Variants in BOC observed in about 807,000 individuals in gnomAD.
BOC encodes brother of CDO.
A neutral mutation model predicts 112.0 loss-of-function variants in BOC; 76 were observed. That is an observed-to-expected ratio of 0.68 (90% confidence interval 0.56 to 0.82). The LOEUF (loss-of-function observed/expected upper bound fraction) is 0.82, where lower values mean the gene tolerates loss of function less well. Among genes scored for constraint, BOC ranks in the 40% least tolerant of loss-of-function variants. BOC has a pLI of 0.00. For missense variants in BOC, 1,309 were observed against 1,511.7 expected, an observed-to-expected ratio of 0.87 and a Z score of 2.22; for synonymous variants, 580 against 599.8, an observed-to-expected ratio of 0.97 and a Z score of 0.48.
rs1559896461 is a variant in BOC, at chr3:113,286,676, GC to G, written c.3167del (p.Pro1056HisfsTer20). 3.8e-6 allele frequency: 6 copies of G among 1,572,636 alleles called. No homozygotes were observed. Among genetic ancestry groups the G allele is most frequent in the Non-Finnish European group, 5.2e-6 (6 of 1,161,114 alleles). ...GGTTCCTACTCTTTCTCCCCTCAGG[GC>G]CCCCATGCTGCTTGGGCCTTGTGCC... ...AVWDPPFHSG[P>X]PCCLGLVPVE... is the part of the protein sequence containing the mutation. On this transcript the variant is annotated frameshift_variant and splice_region_variant, in exon 20 of 20. Coordinates refer to ENST00000682979, the MANE Select transcript of BOC (RefSeq NM_001378074.1). LOFTEE classifies it high-confidence loss of function.
chr3:113,220,270 G>A (rs1559799526), intron 2 of BOC, among the ~76,000 whole-genome samples: 2 of 152,176 alleles, frequency 1.3e-5, no homozygotes, highest in African/African-American at 2.4e-5. Flanking sequence ...TGGCAATTTG[G>A]CTGCAAAGGA....
At chr3:113,280,123 T>G in intron 13 of BOC, 118 bp downstream of exon 13, 2 of 1,122,686 alleles carry the variant, frequency 1.8e-6, no homozygotes, top group Non-Finnish European at 2.5e-6. Context: ...TCAGTGGAAT[T>G]TGGGAGGCTC....
chr3:113,220,779 A>C (rs572080995), intron 2 of BOC, among the ~76,000 whole-genome samples: 2 of 152,208 alleles, frequency 1.3e-5, no homozygotes, highest in African/African-American at 4.8e-5. Context: ...GGATCGGGCA[A>C]TGTAGGGTCT....
intron 2 of BOC, among the ~76,000 whole-genome samples, chr3:113,249,210 C>T (rs1945310492): frequency 1.3e-5 from 2 of 152,194 alleles, no homozygotes; most frequent in Admixed American, 6.5e-5. Context: ...GATTCATTCA[C>T]TTAGTAGCAT....
chr3:113,283,196 T>TAAG (rs1949350046), intron 15 of BOC, among the ~76,000 whole-genome samples: 1 of 152,326 alleles, frequency 6.6e-6, no homozygotes, highest in Admixed American at 6.5e-5. Flanking sequence ...CTTTGAAATA[T>TAAG]AAGGCTCAGG....
chr3:113,257,858 A>G (rs1946400842), intron 4 of BOC, among the ~76,000 whole-genome samples: 1 of 152,336 alleles, frequency 6.6e-6, no homozygotes, highest in Admixed American at 6.5e-5. Context: ...CTCATTCTCC[A>G]GTGCTGACTC....
At position 113,272,568 on chromosome 3, in the gene BOC, A is replaced by C; in HGVS notation, c.826A>C (p.Lys276Gln). The change falls in exon 7 of 20, where the codon AAG (lysine) becomes CAG (glutamine). Residue 276 changes from lysine (K) to glutamine (Q), a missense_variant. By Grantham distance (53) the Lys-to-Gln change is moderately conservative. Transcript: ENST00000682979. ...TGGGTCCAGTGTCACCGGCTACAAC[A>C]AGACGCGCTTCCTGCTGAGCAACCT... ...KDGSSVTGYNKTRFLLSNLLI... is the reference protein window; with the variant it reads ...KDGSSVTGYNQTRFLLSNLLI... 6.2e-7 allele frequency: 1 copy of C among 1,614,022 alleles called. No individual in the cohort carries two copies. The highest frequency in any genetic ancestry group is 1.3e-5 in the African/African-American group (1 of 74,992).
intron 2 of BOC, among the ~76,000 whole-genome samples, chr3:113,230,739 A>C (rs1005562747): frequency 1.3e-5 from 2 of 152,330 alleles, no homozygotes. Context: ...AGTGTAGTAC[A>C]TTCAATAAAT....
chr3:113,233,435 C>T (rs72942472), intron 2 of BOC, among the ~76,000 whole-genome samples: 2,107 of 152,136 alleles, frequency 0.014, 45 homozygotes, highest in African/African-American at 0.047. Flanking sequence ...AATTATGTTG[C>T]CTAACTAACA....
At chr3:113,276,112 C>T (rs1216032838) in intron 9 of BOC, among the ~76,000 whole-genome samples, 4 of 152,182 alleles carry the variant, frequency 2.6e-5, no homozygotes, top group Non-Finnish European at 5.9e-5. Flanking sequence ...AACTGGACAC[C>T]TCCATCTCAG....
At chr3:113,227,587 G>A (rs1170559572) in intron 2 of BOC, among the ~76,000 whole-genome samples, 2 of 152,152 alleles carry the variant, frequency 1.3e-5, no homozygotes, top group African/African-American at 2.4e-5. Context: ...ACCAAAACCT[G>A]GGCAGTCACT....
At chr3:113,272,743 C>T (rs781083761) in intron 7 of BOC, 40 bp downstream of exon 7, 12 of 1,602,886 alleles carry the variant, frequency 7.5e-6, no homozygotes, top group East Asian at 2.2e-5. Flanking sequence ...TTGGCCTTCT[C>T]TCTGGTCTGT....
At position 113,270,802 on chromosome 3, in the gene BOC, T is replaced by C. The variant is rs201349306; in HGVS notation, c.525T>C (p.Gly175=). ...CCCCTGGCCCTGCCCTTTCCACAGG[T>C]AACTACCTGATCATGCCCTCAGGGA... ...VKQEWLEASR[G]NYLIMPSGNL... is the part of the protein sequence containing the mutation. The change falls in exon 6 of 20, where the codon GGT becomes GGC. Residue 175 remains glycine (G), a splice_region_variant and synonymous_variant. Coordinates refer to ENST00000682979, the MANE Select transcript of BOC (RefSeq NM_001378074.1). 8.7e-6 allele frequency: 14 copies of C among 1,609,920 alleles called. No individual in the cohort carries two copies. Among genetic ancestry groups the C allele is most frequent in the Non-Finnish European group, 1.2e-5 (14 of 1,177,880 alleles).
At chr3:113,266,953 A>G (rs1342175689) in intron 4 of BOC, among the ~76,000 whole-genome samples, 1 of 152,176 alleles carries the variant, frequency 6.6e-6, no homozygotes, top group African/African-American at 2.4e-5. Flanking sequence ...TTTGGTCATT[A>G]TCTCTTGTCT....
intron 2 of BOC, among the ~76,000 whole-genome samples, chr3:113,217,425 G>T (rs1939632919): frequency 6.6e-6 from 1 of 152,184 alleles, no homozygotes; most frequent in African/African-American, 2.4e-5. Flanking sequence ...TCCCTGGGAG[G>T]CTGAGGCAGG....
rs769787134 is a variant in BOC, at chr3:113,270,861, A to G, written c.584A>G (p.Glu195Gly). Residue 195 changes from glutamate (E) to glycine (G), a missense_variant, in exon 6 of 20, where the codon GAG becomes GGG. Glu to Gly is a moderately conservative substitution (Grantham distance 98). Coordinates refer to ENST00000682979, the MANE Select transcript of BOC (RefSeq NM_001378074.1). ...LQIVNASQED[E>G]GMYKCAAYNP... is the part of the protein sequence containing the mutation. Reference sequence around the variant, plus strand: ...ATTGTGAATGCCAGCCAGGAGGACGAGGGCATGTACAAGTGTGCAGCCTAC... The same window carrying G: ...ATTGTGAATGCCAGCCAGGAGGACGGGGGCATGTACAAGTGTGCAGCCTAC... 6.2e-7 allele frequency: 1 copy of G among 1,614,162 alleles called. No individual in the cohort carries two copies. Among genetic ancestry groups the G allele is most frequent in the East Asian group, 2.2e-5 (1 of 44,870 alleles).
At position 113,229,899 on chromosome 3, in the gene BOC, C is replaced by T. The variant is rs910084609; in HGVS notation, c.-82+13625C>T. ...GAGACACCTGCACTGGGATTCTCAACGCTGGCTGCACATTACTATTTCCAG... is the reference window on the plus strand; with the variant it reads ...GAGACACCTGCACTGGGATTCTCAATGCTGGCTGCACATTACTATTTCCAG... On this transcript the variant is annotated intron_variant, in intron 2 of 19. Transcript: ENST00000682979. Among the ~76,000 whole-genome samples, 59 of 152,306 alleles carry T rather than the reference C, an allele frequency of 3.9e-4. 1 individual carries two copies. Among genetic ancestry groups the T allele is most frequent in the African/African-American group, 1.2e-3 (51 of 41,576 alleles).
At chr3:113,283,740 C>T in intron 16 of BOC, 108 bp downstream of exon 16, 3 of 1,090,178 alleles carry the variant, frequency 2.8e-6, no homozygotes, top group South Asian at 1.5e-5. Flanking sequence ...GCCCAAGTCC[C>T]CCAAAGGTCT....
At chr3:113,233,631 GA>G (rs1163108349) in intron 2 of BOC, among the ~76,000 whole-genome samples, 1 of 152,048 alleles carries the variant, frequency 6.6e-6, no homozygotes, top group Non-Finnish European at 1.5e-5. Flanking sequence ...ACGGTCAGTT[GA>G]ACCCTAAACA....
Sources: allele counts gnomAD v4.1 joint callset (sites outside exome capture counted in the v4.1 genomes callset), GRCh38; gene constraint gnomAD v4.1.1; transcripts MANE v1.5; gene names NCBI Gene and HGNC (gene_info 2026-07-23, HGNC 2026-07-21).